Variants in LTB observed in about 807,000 individuals in gnomAD.
LTB encodes lymphotoxin-beta.
LTB carries 17 observed loss-of-function variants against 14.7 expected under a neutral mutation model. That is an observed-to-expected ratio of 1.16 (90% CI 0.79 to 1.73). LTB has a LOEUF of 1.73. Ranked by LOEUF, LTB falls within the 40% of genes most tolerant of loss-of-function variation. LTB has a pLI of 0.00. For synonymous variants in LTB, 163 were observed against 157.3 expected, an observed-to-expected ratio of 1.04 and a Z score of -0.27; for missense variants, 288 against 324.3, an observed-to-expected ratio of 0.89 and a Z score of 0.86.
Position 31,580,648 on chromosome 6 carries a change from T to C in LTB, c.*61A>G, listed in dbSNP as rs1352077112. The C allele has an allele frequency of 1.2e-5, 18 of 1,458,302 alleles. No individual in the cohort carries two copies. Among genetic ancestry groups the C allele is most frequent in the Non-Finnish European group, 1.7e-5 (18 of 1,067,452 alleles). The allele number at this position is 1,458,302 out of a possible 1,614,324, so 90.3% of individuals were successfully genotyped here. A position where few individuals can be genotyped will look rare whatever the true frequency, so the allele number is the denominator to read the frequency against. ...GTCTCCTACATTTTTCCCACTGCCA[T>C]GGGGTCCTGGGCGTCCGGGCCCCCA... is the stretch of plus-strand genomic sequence containing the variant. On this transcript the variant is annotated 3_prime_UTR_variant, in exon 4 of 4. Coordinates refer to ENST00000429299, the MANE Select transcript of LTB (RefSeq NM_002341.2). This position sits in a 1 kb window ranked among gnomAD's most constrained non-coding sequence, Gnocchi z 6.6.
intron 1 of LTB, 191 bp downstream of exon 1, chr6:31,582,065 G>A (rs899665969): frequency 2.6e-6 from 2 of 778,234 alleles, no homozygotes; most frequent in Admixed American, 2.7e-5. Flanking sequence ...GGAGACACAA[G>A]GGGCTTATGT....
rs1218340968 is a variant in LTB at position 31,581,817 on chromosome 6, G to C, written c.205C>G (p.Leu69Val). ...AGGAGAGACAGTCTGCTCTTACCCA[G>C]TCCTTGCTGGGCCTGTGCCCCGGGG... Reference protein sequence around the residue: ...ADPGAQAQQGLGFQKLPEEEP... With the variant: ...ADPGAQAQQGVGFQKLPEEEP... Residue 69 changes from leucine to valine, a missense_variant, in exon 2 of 4, where the codon CTG becomes GTG. Physicochemically the swap from Leu to Val is conservative, Grantham distance 32. This residue lies in a region of LTB where 284 missense variants were observed against 299.2 expected (regional missense o/e 0.95). Transcript: ENST00000429299. The C allele has an allele frequency of 1.9e-6, 3 of 1,609,828 alleles. No homozygotes were observed. Among genetic ancestry groups the C allele is most frequent in the Admixed American group, 1.7e-5 (1 of 59,368 alleles).
rs1771546133 is a variant in LTB at position 31,581,836 on chromosome 6, C to T, written c.186G>A (p.Gly62=). ...GGLVTETADP[G]AQAQQGLGFQ... The stretch of plus-strand genomic sequence containing the variant: ...TACCCAGTCCTTGCTGGGCCTGTGC[C>T]CCGGGGTCGGCCGTCTCCGTTACCT... The change falls in exon 2 of 4, where the codon GGG becomes GGA. Residue 62 remains glycine, a synonymous_variant. Transcript: ENST00000429299. The T allele has an allele frequency of 1.9e-6, 3 of 1,601,768 alleles. No homozygotes were observed. The highest frequency in any genetic ancestry group is 3.5e-5 in the Admixed American group (2 of 57,574).
At chr6:31,581,912 C>G (rs571521242) in intron 1 of LTB, 53 bp from the exon 2 acceptor site, 2 of 1,522,674 alleles carry the variant, frequency 1.3e-6, no homozygotes, top group Non-Finnish European at 1.8e-6. Context: ...CATGTCACCC[C>G]TACCCCTCTG....
At chr6:31,581,281 G>A in intron 3 of LTB, 118 bp from the exon 4 acceptor site, 2 of 959,574 alleles carry the variant, frequency 2.1e-6, no homozygotes, top group Non-Finnish European at 1.5e-6. Flanking sequence ...GAGGAGGGAT[G>A]GTGCTGTTTC....
At chr6:31,582,114 A>G in intron 1 of LTB, 142 bp downstream of exon 1, 1 of 983,988 alleles carries the variant, frequency 1.0e-6, no homozygotes, top group Non-Finnish European at 1.6e-6. Context: ...ATGGAAAGAG[A>G]GTCAGCAAAG....
At chr6:31,581,208 A>G in intron 3 of LTB, 45 bp from the exon 4 acceptor site, 1 of 1,491,498 alleles carries the variant, frequency 6.7e-7, no homozygotes, top group Non-Finnish European at 9.0e-7. Flanking sequence ...GCGATCCTAA[A>G]GGCTTGGGAC....
intron 1 of LTB, 142 bp downstream of exon 1, chr6:31,582,114 A>C: frequency 1.0e-6 from 1 of 983,986 alleles, no homozygotes; most frequent in Non-Finnish European, 1.6e-6. Flanking sequence ...ATGGAAAGAG[A>C]GTCAGCAAAG....
chr6:31,581,893 G>T (rs541235925), intron 1 of LTB, 34 bp from the exon 2 acceptor site: 1 of 1,554,572 alleles, frequency 6.4e-7, no homozygotes, highest in Admixed American at 2.0e-5. Flanking sequence ...CCAGAGTTCA[G>T]ATTCAGCTCA....
intron 1 of LTB, 188 bp downstream of exon 1, chr6:31,582,068 G>GC (rs2150395662): frequency 2.6e-6 from 2 of 779,272 alleles, no homozygotes; most frequent in African/African-American, 1.7e-5. Context: ...GACACAAGGG[G>GC]CTTATGTCGG....
rs567302751 is a variant in LTB, at chr6:31,581,849, G to T, written c.173C>A (p.Thr58Lys). The T allele has an allele frequency of 6.3e-7, 1 of 1,595,952 alleles. No homozygotes were observed. Among genetic ancestry groups the T allele is most frequent in the Admixed American group, 1.8e-5 (1 of 56,994 alleles). ...CTGGGCCTGTGCCCCGGGGTCGGCC[G>T]TCTCCGTTACCTGGTTGGGTGGGGT... ...PQDQGGLVTE[T>K]ADPGAQAQQG... Residue 58 changes from threonine to lysine, a missense_variant, in exon 2 of 4, where the codon ACG (threonine) becomes AAG (lysine). Thr to Lys is a moderately conservative substitution (Grantham distance 78). Around this residue, in one of 2 missense-constraint regions of LTB, gnomAD observed 284 missense variants for 299.2 expected, o/e 0.95. Transcript: ENST00000429299.
intron 1 of LTB, 100 bp downstream of exon 1, chr6:31,582,156 C>A: frequency 7.1e-7 from 1 of 1,410,184 alleles, no homozygotes; most frequent in Non-Finnish European, 9.8e-7. Flanking sequence ...GACAGCCGAG[C>A]CAGCTGAGCC....
Position 31,580,842 on chromosome 6 carries a change from C to G in LTB, c.602G>C (p.Trp201Ser), listed in dbSNP as rs1771432554. 6.2e-7 allele frequency: 1 copy of G among 1,611,730 alleles called. No homozygotes were observed. Among genetic ancestry groups the G allele is most frequent in the South Asian group, 1.1e-5 (1 of 90,860 alleles). The change falls in exon 4 of 4, where the codon TGG (tryptophan) becomes TCG (serine). Residue 201 changes from tryptophan (W) to serine (S), a missense_variant. Trp to Ser is a radical substitution (Grantham distance 177). Coordinates refer to ENST00000429299, the MANE Select transcript of LTB (RefSeq NM_002341.2). The surrounding 1 kb of genome is among the most constrained non-coding windows in gnomAD (Gnocchi z 6.6). ...GCCGCCGAACCCCACGCTCGTGTAC[C>G]AGAGAGGCCCGTACCCTTGTCTCCT... ...PARRQGYGPLWYTSVGFGGLV... is the reference protein window; with the variant it reads ...PARRQGYGPLSYTSVGFGGLV...
chr6:31,580,993 C>T lies in LTB; in HGVS notation c.451G>A (p.Asp151Asn). The change falls in exon 4 of 4, where the codon GAC (aspartate) becomes AAC (asparagine). Residue 151 changes from aspartate (D) to asparagine (N), a missense_variant. Coordinates refer to ENST00000429299, the MANE Select transcript of LTB (RefSeq NM_002341.2). The surrounding 1 kb of genome is among the most constrained non-coding windows in gnomAD (Gnocchi z 6.6). ...YRGRAPPGGGDPQGRSVTLRS... is the reference protein window; with the variant it reads ...YRGRAPPGGGNPQGRSVTLRS... Reference sequence around the variant, plus strand: ...AGCGTGACCGAGCGGCCCTGGGGGTCCCCGCCGCCAGGGGGCGCCCGGCCC... The same window carrying T: ...AGCGTGACCGAGCGGCCCTGGGGGTTCCCGCCGCCAGGGGGCGCCCGGCCC... 1 of 1,564,782 alleles carries T rather than the reference C, an allele frequency of 6.4e-7. No individual in the cohort carries two copies. The highest frequency in any genetic ancestry group is 8.7e-7 in the Non-Finnish European group (1 of 1,155,102).
chr6:31,581,738 G>A (rs533565882), intron 2 of LTB, 76 bp downstream of exon 2: 10 of 1,602,090 alleles, frequency 6.2e-6, no homozygotes, highest in Admixed American at 3.3e-5. Context: ...TAGAGGAAGA[G>A]GTATCTGGGG....
At chr6:31,582,188 G>C in intron 1 of LTB, 68 bp downstream of exon 1, 1 of 1,583,512 alleles carries the variant, frequency 6.3e-7, no homozygotes, top group Non-Finnish European at 8.6e-7. Context: ...AAGACCACAG[G>C]CACAACCAGA....
In LTB at chr6:31,581,100, C is replaced by T. The variant is rs1484062615; in HGVS notation, c.344G>A (p.Ser115Asn). 1.9e-6 allele frequency: 3 copies of T among 1,606,752 alleles called. No individual in the cohort carries two copies. The South Asian group carries it at 3.3e-5, about 18-fold the overall frequency. Residue 115 changes from serine to asparagine, a missense_variant, in exon 4 of 4, where the codon AGC becomes AAC. Ser to Asn is a conservative substitution (Grantham distance 46, BLOSUM62 1). This residue lies in a region of LTB where 284 missense variants were observed against 299.2 expected (regional missense o/e 0.95). Coordinates refer to ENST00000429299, the MANE Select transcript of LTB (RefSeq NM_002341.2). The stretch of plus-strand genomic sequence containing the variant: ...CTCGGCGTCCGAGAACTGCGTCCCG[C>T]TCGTCAGAAACGCCTGTTCCTTCGT... Reference protein sequence around the residue: ...ETTKEQAFLTSGTQFSDAEGL... With the variant: ...ETTKEQAFLTNGTQFSDAEGL...
At chr6:31,581,423 G>A in intron 3 of LTB, 136 bp downstream of exon 3, 2 of 897,112 alleles carry the variant, frequency 2.2e-6, no homozygotes, top group Admixed American at 3.9e-5. Context: ...GAGCGTAAGA[G>A]TGGGCACGAG....
chr6:31,582,048 G>A, intron 1 of LTB, 189 bp from the exon 2 acceptor site: 1 of 755,110 alleles, frequency 1.3e-6, no homozygotes, highest in Non-Finnish European at 2.2e-6. Context: ...ACCTCGGGAA[G>A]AGGAGAGGAG....
Sources: allele counts gnomAD v4.1 joint callset, GRCh38; gene constraint gnomAD v4.1.1; regional missense constraint gnomAD v4.1.1; non-coding constraint Gnocchi (gnomAD v3.1); transcripts MANE v1.5; gene names NCBI Gene and HGNC (gene_info 2026-07-23, HGNC 2026-07-21).